DPP6: variants seen among roughly 807,000 people sequenced by gnomAD.
The protein encoded by DPP6 is A-type potassium channel modulatory protein DPP6.
In DPP6, 69 loss-of-function variants were observed where a neutral mutation model predicts 122.6. The ratio of observed to expected loss-of-function variants is 0.56; its 90% confidence interval spans 0.46 to 0.69. DPP6 has a LOEUF of 0.69. Among genes scored for constraint, DPP6 ranks in the 30% least tolerant of loss-of-function variants. The pLI, the probability that DPP6 is intolerant of heterozygous loss-of-function variation, is 0.00. For missense variants in DPP6, 928 were observed against 1,116.9 expected, an observed-to-expected ratio of 0.83 and a Z score of 2.41; for synonymous variants, 418 against 433.1, an observed-to-expected ratio of 0.97 and a Z score of 0.43.
chr7:154,563,233 A>C (rs1830539892), intron 4 of DPP6, among the ~76,000 whole-genome samples: 1 of 152,226 alleles, frequency 6.6e-6, no homozygotes, highest in Non-Finnish European at 1.5e-5. Flanking sequence ...TGAGAATGGC[A>C]TGTGCCTGGC....
chr7:154,221,424 A>G (rs1394204897), intron 1 of DPP6, among the ~76,000 whole-genome samples: 1 of 152,148 alleles, frequency 6.6e-6, no homozygotes, highest in Admixed American at 6.5e-5. Context: ...TACAGGCATG[A>G]GCCACTGCAC....
chr7:154,191,843 A>G (rs1247566067), intron 1 of DPP6, among the ~76,000 whole-genome samples: 1 of 152,220 alleles, frequency 6.6e-6, no homozygotes, highest in Admixed American at 6.5e-5. Flanking sequence ...AACTTCAGGT[A>G]GTTCTGGCTA....
At chr7:154,645,256 G>T (rs113487781) in intron 6 of DPP6, among the ~76,000 whole-genome samples, 2 of 147,250 alleles carry the variant, frequency 1.4e-5, no homozygotes, top group African/African-American at 2.7e-5. Context: ...TAGTAGAGAC[G>T]GGGTTTCACC....
intron 1 of DPP6, among the ~76,000 whole-genome samples, chr7:154,106,737 A>G (rs1806188628): frequency 6.6e-6 from 1 of 152,152 alleles, no homozygotes; most frequent in Middle Eastern, 3.2e-3. Flanking sequence ...AGGTGAGAGC[A>G]GGTGCACAGT....
intron 1 of DPP6, among the ~76,000 whole-genome samples, chr7:154,037,925 A>G (rs367660144): frequency 0.061 from 7,335 of 119,282 alleles, 671 homozygotes; most frequent in African/African-American, 0.17. Context: ...TATGGCAACA[A>G]CCTAACTTGA....
intron 12 of DPP6, among the ~76,000 whole-genome samples, chr7:154,800,981 A>G: frequency 6.6e-6 from 1 of 152,100 alleles, no homozygotes; most frequent in Non-Finnish European, 1.5e-5. Flanking sequence ...TCTGGTTTCA[A>G]TGGGCAATAA....
intron 5 of DPP6, among the ~76,000 whole-genome samples, chr7:154,604,094 C>T (rs1443241625): frequency 8.3e-6 from 1 of 120,786 alleles, no homozygotes; most frequent in Non-Finnish European, 1.9e-5. Flanking sequence ...AAAAGTCATA[C>T]ATTTTGTTTG....
intron 1 of DPP6, among the ~76,000 whole-genome samples, chr7:154,123,184 CTT>C (rs1277247518): frequency 2.0e-5 from 3 of 152,202 alleles, no homozygotes; most frequent in African/African-American, 7.2e-5. Context: ...TCCTCAAAGA[CTT>C]TTGTGTTTGA....
At position 154,411,136 on chromosome 7, in the gene DPP6, G is replaced by A. The variant is rs543649039; in HGVS notation, c.244-35078G>A. ...CTTTATAAAGAAAAGACTCTTTAAT[G>A]TTTAGTAGAGATGTCACAGAAGTAG... On this transcript the variant is annotated intron_variant, in intron 1 of 25. Transcript: ENST00000377770. 7.9e-5 allele frequency among the ~76,000 whole-genome samples: 12 copies of A among 152,304 alleles called. No homozygotes were observed. In the South Asian group the frequency reaches 2.5e-3, roughly 32 times the overall value.
At chr7:154,291,608 C>T (rs1039553877) in intron 1 of DPP6, among the ~76,000 whole-genome samples, 2 of 152,174 alleles carry the variant, frequency 1.3e-5, no homozygotes, top group African/African-American at 4.8e-5. Context: ...TTCAGTCTGC[C>T]CTGCTAGCCA....
intron 1 of DPP6, among the ~76,000 whole-genome samples, chr7:154,002,313 A>G (rs539639864): frequency 4.0e-4 from 61 of 151,854 alleles, no homozygotes; most frequent in African/African-American, 1.4e-3. Flanking sequence ...GTAGCTTCCT[A>G]TATAATATAA....
chr7:154,355,849 C>T (rs941440633), intron 1 of DPP6, among the ~76,000 whole-genome samples: 4 of 152,038 alleles, frequency 2.6e-5, no homozygotes, highest in Non-Finnish European at 5.9e-5. Context: ...ATTTTAGAAT[C>T]GGCTTGTCAA....
chr7:153,944,226 C>T (rs1801832758), intron 1 of DPP6, among the ~76,000 whole-genome samples: 1 of 152,206 alleles, frequency 6.6e-6, no homozygotes, highest in African/African-American at 2.4e-5. Context: ...GTGCTCCGGC[C>T]CACCCTCAAC....
rs566464146 is a variant in DPP6, at chr7:154,875,350, A to G, written c.1884-556A>G. Among the ~76,000 whole-genome samples, 1 of 152,166 alleles carries G rather than the reference A, an allele frequency of 6.6e-6. No homozygotes were observed. Among genetic ancestry groups the G allele is most frequent in the Non-Finnish European group, 1.5e-5 (1 of 68,020 alleles). ...GCCGCCAGCCCAGGTCGGAGGCCAC[A>G]CTGCCCAGAGCCAATGGCTCCTTGA... On this transcript the variant is annotated intron_variant, in intron 19 of 25. Coordinates refer to ENST00000377770, the MANE Select transcript of DPP6 (RefSeq NM_130797.4). The surrounding 1 kb of genome is among the most constrained non-coding windows in gnomAD (Gnocchi z 4.5).
intron 1 of DPP6, among the ~76,000 whole-genome samples, chr7:153,979,306 A>G (rs1256385601): frequency 6.6e-6 from 1 of 152,264 alleles, no homozygotes; most frequent in African/African-American, 2.4e-5. Context: ...CTTTGAAGCA[A>G]TTGTGAATGG....
chr7:154,739,695 G>A (rs938601154), intron 8 of DPP6, among the ~76,000 whole-genome samples: 2 of 152,206 alleles, frequency 1.3e-5, no homozygotes, highest in Admixed American at 1.3e-4. Flanking sequence ...TCAATGCGAA[G>A]GTTCGTAATT....
the DPP6 span, among the ~76,000 whole-genome samples, chr7:153,763,803 A>C: frequency 6.6e-6 from 1 of 152,238 alleles, no homozygotes; most frequent in Non-Finnish European, 1.5e-5. Context: ...GGTTACATCC[A>C]TAATACATTT....
At chr7:154,386,178 T>C (rs1814092188) in intron 1 of DPP6, among the ~76,000 whole-genome samples, 2 of 152,130 alleles carry the variant, frequency 1.3e-5, no homozygotes, top group Admixed American at 1.3e-4. Context: ...AAATCGGTAT[T>C]ATGAGGTTTA....
intron 8 of DPP6, among the ~76,000 whole-genome samples, chr7:154,747,050 G>A (rs886879733): frequency 6.6e-6 from 1 of 152,190 alleles, no homozygotes; most frequent in Non-Finnish European, 1.5e-5. Context: ...GAGGAAGGCA[G>A]CATGAAAGGG....
Sources: gnomAD v4.1 joint callset for allele counts (sites outside exome capture counted in the v4.1 genomes callset) on GRCh38, gnomAD v4.1.1 for gene constraint, Gnocchi (gnomAD v3.1) non-coding constraint, MANE v1.5 for transcripts, NCBI Gene and HGNC (gene_info 2026-07-23, HGNC 2026-07-21) for gene names.